SYT10: variants seen among roughly 807,000 people sequenced by gnomAD.
The protein encoded by SYT10 is synaptotagmin-10.
SYT10 carries 31 observed loss-of-function variants against 51.1 expected under a neutral mutation model. The observed-to-expected ratio is 0.61, with a 90% CI of 0.46 to 0.82. The LOEUF (loss-of-function observed/expected upper bound fraction) is 0.82. Ranked by LOEUF, SYT10 falls within the 40% of genes least tolerant of loss-of-function variation. The probability of loss-of-function intolerance (pLI) is 0.00; values close to 1 mark genes in which losing one functional copy is unlikely to be tolerated. For missense variants in SYT10, 603 were observed against 634.0 expected (o/e 0.95, Z 0.53); for synonymous variants, 233 against 225.9 (o/e 1.03, Z -0.28).
At chr12:33,380,909 CT>C (rs370573840) in intron 5 of SYT10, among the ~76,000 whole-genome samples, 95 of 152,150 alleles carry the variant, frequency 6.2e-4, no homozygotes, top group African/African-American at 2.0e-3. Flanking sequence ...AATTTCATTA[CT>C]TTTTTTTCCA....
chr12:33,403,484 C>T (rs559971499), intron 3 of SYT10, among the ~76,000 whole-genome samples: 4 of 152,268 alleles, frequency 2.6e-5, no homozygotes, highest in South Asian at 2.1e-4. Flanking sequence ...ATCCACCCCC[C>T]TCAGCCTCCC....
chr12:33,432,115 T>C (rs1417474201), intron 1 of SYT10, among the ~76,000 whole-genome samples: 1 of 152,136 alleles, frequency 6.6e-6, no homozygotes, highest in African/African-American at 2.4e-5. Context: ...GTCAGAGTGA[T>C]ATAAGATTTC....
At chr12:33,395,883 C>G (rs540287340) in intron 3 of SYT10, among the ~76,000 whole-genome samples, 8 of 151,996 alleles carry the variant, frequency 5.3e-5, no homozygotes, top group Non-Finnish European at 8.8e-5. Context: ...CTTTTCCTTT[C>G]TCTTTAGTAT....
At chr12:33,400,415 C>T (rs1192377688) in intron 3 of SYT10, among the ~76,000 whole-genome samples, 1 of 152,036 alleles carries the variant, frequency 6.6e-6, no homozygotes. Context: ...ACAACAGTTC[C>T]TTTGTACTTG....
Position 33,385,254 on chromosome 12 carries a change from C to T in SYT10, c.1115G>A (p.Cys372Tyr), listed in dbSNP as rs539747309. 4.3e-6 allele frequency: 7 copies of T among 1,613,572 alleles called. No individual in the cohort carries two copies. Among genetic ancestry groups the T allele is most frequent in the South Asian group, 1.1e-5 (1 of 91,068 alleles). Residue 372 changes from cysteine to tyrosine, a missense_variant, in exon 4 of 7, where the codon TGT becomes TAT. By Grantham distance (194) the Cys-to-Tyr change is radical. Coordinates refer to ENST00000228567, the MANE Select transcript of SYT10 (RefSeq NM_198992.4). ...IDLGEIMFSL[C>Y]YLPTAGRMTL... ...CATACGCCCAGCCGTCGGTAGGTAACAAAGGGAAAACATGATTTCACCCAG... is the reference window on the plus strand; with the variant it reads ...CATACGCCCAGCCGTCGGTAGGTAATAAAGGGAAAACATGATTTCACCCAG...
chr12:33,413,569 T>C (rs1005153506), intron 2 of SYT10, among the ~76,000 whole-genome samples: 8 of 152,196 alleles, frequency 5.3e-5, no homozygotes, highest in Non-Finnish European at 1.2e-4. Context: ...CAGAATTTCA[T>C]ATCCAGCCAA....
At chr12:33,387,745 A>ATT (rs1555114269) in intron 3 of SYT10, among the ~76,000 whole-genome samples, 2 of 78,962 alleles carry the variant, frequency 2.5e-5, no homozygotes, top group African/African-American at 6.4e-5. Context: ...TCCTTCTAAC[A>ATT]TGTTTTTTTT....
chr12:33,415,232 T>C (rs1866442778), intron 2 of SYT10, among the ~76,000 whole-genome samples: 1 of 152,230 alleles, frequency 6.6e-6, no homozygotes, highest in African/African-American at 2.4e-5. Context: ...GTTTTTGAGA[T>C]TAAATGATAT....
In SYT10 at chr12:33,375,463, A is replaced by ACTAT. The variant is rs1271618626; in HGVS notation, c.*1363_*1366dup. 6.6e-6 allele frequency: 1 copy of ACTAT among 152,046 alleles called. No homozygotes were observed. Among genetic ancestry groups the ACTAT allele is most frequent in the Non-Finnish European group, 1.5e-5 (1 of 67,954 alleles). The allele number at this position is 152,046 out of a possible 1,614,324, so 9.4% of individuals were successfully genotyped here. On this transcript the variant is annotated 3_prime_UTR_variant, in exon 7 of 7. Transcript: ENST00000228567. Reference sequence around the variant, plus strand: ...ATTTTGAAATAAGCTTGAAATATATACTATCTATACCACACATCTTAAAAG... The same window carrying ACTAT: ...ATTTTGAAATAAGCTTGAAATATATACTATCTATCTATACCACACATCTTAAAAG...
At chr12:33,434,073 T>C (rs1304893283) in intron 1 of SYT10, among the ~76,000 whole-genome samples, 1 of 152,202 alleles carries the variant, frequency 6.6e-6, no homozygotes, top group Non-Finnish European at 1.5e-5. Context: ...CCTGCCACTT[T>C]CTACTTAGCA....
At chr12:33,395,714 A>G (rs181047599) in intron 3 of SYT10, among the ~76,000 whole-genome samples, 11 of 152,332 alleles carry the variant, frequency 7.2e-5, no homozygotes, top group African/African-American at 2.2e-4. Context: ...GTTTTACAAG[A>G]CAGATTTGAC....
chr12:33,389,502 T>C (rs1350070414), intron 3 of SYT10, among the ~76,000 whole-genome samples: 2 of 152,108 alleles, frequency 1.3e-5, no homozygotes, highest in East Asian at 1.9e-4. Flanking sequence ...AATTTCTTTA[T>C]CTTGAGTAGG....
chr12:33,377,629 CTTTTT>C (rs375275079), intron 6 of SYT10, among the ~76,000 whole-genome samples: 1 of 114,010 alleles, frequency 8.8e-6, no homozygotes, highest in Non-Finnish European at 1.7e-5. Context: ...TTTTCTTTTT[CTTTTT>C]TTTTTTTTTT....
At chr12:33,402,889 T>C (rs1866318435) in intron 3 of SYT10, among the ~76,000 whole-genome samples, 1 of 152,000 alleles carries the variant, frequency 6.6e-6, no homozygotes, top group Non-Finnish European at 1.5e-5. Flanking sequence ...TCAACAATTA[T>C]GAGATATAAT....
intron 2 of SYT10, among the ~76,000 whole-genome samples, chr12:33,418,044 A>G (rs1228450369): frequency 2.6e-5 from 4 of 152,182 alleles, no homozygotes; most frequent in African/African-American, 9.7e-5. Flanking sequence ...AGAGTTGAGG[A>G]CAGTATATTC....
At chr12:33,407,384 C>G (rs775717392) in intron 2 of SYT10, 28 bp from the exon 3 acceptor site, 1 of 1,587,844 alleles carries the variant, frequency 6.3e-7, no homozygotes, top group South Asian at 1.1e-5. Flanking sequence ...TACACAAAAT[C>G]ATTGAGGGAG....
Position 33,376,673 on chromosome 12 carries a change from A to T in SYT10, c.*157T>A, listed in dbSNP as rs1591978464. ...GTAAAATGTATTGATGTTCAAAGTT[A>T]AAAAATCAACAATAAAAGCAAATAA... is the stretch of plus-strand genomic sequence containing the variant. On this transcript the variant is annotated 3_prime_UTR_variant, in exon 7 of 7. Coordinates refer to ENST00000228567, the MANE Select transcript of SYT10 (RefSeq NM_198992.4). 3.8e-6 allele frequency: 3 copies of T among 797,276 alleles called. No individual in the cohort carries two copies. In the East Asian group the frequency reaches 7.9e-5, roughly 21 times the overall value. The allele number at this position is 797,276 out of a possible 1,614,324, so 49.4% of individuals were successfully genotyped here. A position where few individuals can be genotyped will look rare whatever the true frequency, so the allele number is the denominator to read the frequency against.
chr12:33,434,594 G>A lies in SYT10; in HGVS notation c.151+4778C>T, dbSNP rs373378576. 3.3e-5 allele frequency among the ~76,000 whole-genome samples: 5 copies of A among 152,182 alleles called. No homozygotes were observed. The East Asian group carries it at 5.8e-4, about 18-fold the overall frequency. On this transcript the variant is annotated intron_variant, in intron 1 of 6. Coordinates refer to ENST00000228567, the MANE Select transcript of SYT10 (RefSeq NM_198992.4). ...AGAAGTGGGCGGATCACCTGAGGTCGGGAGTTGGAGACCAGCCCGGCCAAC... is the reference window on the plus strand; with the variant it reads ...AGAAGTGGGCGGATCACCTGAGGTCAGGAGTTGGAGACCAGCCCGGCCAAC...
At chr12:33,394,981 G>A (rs57904423) in intron 3 of SYT10, among the ~76,000 whole-genome samples, 5,787 of 152,226 alleles carry the variant, frequency 0.038, 358 homozygotes, top group African/African-American at 0.13. Context: ...CCAGGTACTC[G>A]GGAGGCTGAG....
Sources: allele counts gnomAD v4.1 joint callset (sites outside exome capture counted in the v4.1 genomes callset), GRCh38; gene constraint gnomAD v4.1.1; transcripts MANE v1.5; gene names NCBI Gene and HGNC (gene_info 2026-07-23, HGNC 2026-07-21).